Variants in LRP1B observed in about 807,000 individuals in gnomAD.
LRP1B encodes LDL receptor related protein 1B.
A neutral mutation model predicts 556.6 loss-of-function variants in LRP1B; 217 were observed. The ratio of observed to expected loss-of-function variants is 0.39; its 90% CI spans 0.35 to 0.44. The LOEUF is 0.44. LRP1B is among the 20% of genes least tolerant of loss of function. The pLI, the probability that LRP1B is intolerant of heterozygous loss-of-function variation, is 1.00. For synonymous variants in LRP1B, 2,047 were observed against 1,865.8 expected, an observed-to-expected ratio of 1.10 and a Z score of -2.50; for missense variants, 5,053 against 5,620.8, an observed-to-expected ratio of 0.90 and a Z score of 3.23.
intron 87 of LRP1B, among the ~76,000 whole-genome samples, chr2:140,240,210 CT>C (rs1186665883): frequency 2.7e-5 from 3 of 112,994 alleles, no homozygotes; most frequent in East Asian, 8.3e-4. Flanking sequence ...TTCTCATGTT[CT>C]AGTTTCTGAA....
At chr2:141,905,578 G>A (rs1021573209) in intron 1 of LRP1B, among the ~76,000 whole-genome samples, 2 of 151,764 alleles carry the variant, frequency 1.3e-5, no homozygotes. Context: ...ACTTAAGCAT[G>A]ATTGGAAGTG....
intron 2 of LRP1B, among the ~76,000 whole-genome samples, chr2:141,798,567 C>CT (rs1695898098): frequency 6.6e-6 from 1 of 151,452 alleles, no homozygotes. Context: ...ATTAGCTGGG[C>CT]GTGGTGGTGG....
At chr2:140,869,289 G>A (rs1224430954) in intron 25 of LRP1B, among the ~76,000 whole-genome samples, 2 of 152,096 alleles carry the variant, frequency 1.3e-5, no homozygotes, top group Non-Finnish European at 2.9e-5. Context: ...TTTTGGTCAT[G>A]GGACAAGAGC....
At chr2:142,095,951 T>G (rs771956675) in intron 1 of LRP1B, among the ~76,000 whole-genome samples, 1 of 151,740 alleles carries the variant, frequency 6.6e-6, no homozygotes, top group Non-Finnish European at 1.5e-5. Flanking sequence ...ATTCAATTCC[T>G]GGTGAATAGT....
At chr2:141,403,814 T>C (rs1690531228) in intron 3 of LRP1B, among the ~76,000 whole-genome samples, 1 of 152,152 alleles carries the variant, frequency 6.6e-6, no homozygotes, top group Non-Finnish European at 1.5e-5. Context: ...TGTGGCTTTG[T>C]ATTATCTCAC....
intron 15 of LRP1B, among the ~76,000 whole-genome samples, chr2:140,997,114 A>G (rs12623323): frequency 0.11 from 16,375 of 151,984 alleles, 972 homozygotes; most frequent in East Asian, 0.2. Context: ...AAAAATTGAC[A>G]AAGTAATAAA....
chr2:141,806,243 C>T (rs528473689), intron 2 of LRP1B, among the ~76,000 whole-genome samples: 2 of 152,106 alleles, frequency 1.3e-5, no homozygotes, highest in East Asian at 3.9e-4. Context: ...TGGTACCAAG[C>T]TTTCATTCTC....
In LRP1B at chr2:141,283,982, C is replaced by T. The variant is rs117538446; in HGVS notation, c.344-29341G>A. Among the ~76,000 whole-genome samples, 48 of 152,200 alleles carry T rather than the reference C, an allele frequency of 3.2e-4. No individual in the cohort carries two copies. In the East Asian group the frequency reaches 7.9e-3, roughly 25 times the overall value. On this transcript the variant is annotated intron_variant, in intron 3 of 90. Coordinates refer to ENST00000389484, the MANE Select transcript of LRP1B (RefSeq NM_018557.3). ...TCTTGGAAGAGTAGATGAGGTCACA[C>T]GCTGAGAATTAAGCAGGAGGTGGCA...
At chr2:140,947,751 T>A (rs1224503264) in intron 20 of LRP1B, among the ~76,000 whole-genome samples, 1 of 152,222 alleles carries the variant, frequency 6.6e-6, no homozygotes, top group East Asian at 1.9e-4. Flanking sequence ...CACCTTGTAT[T>A]CACCACGTAG....
intron 63 of LRP1B, among the ~76,000 whole-genome samples, chr2:140,445,120 CTT>C (rs903065917): frequency 6.6e-6 from 1 of 151,590 alleles, no homozygotes. Context: ...CTCTCTCTCT[CTT>C]TTTTTTCTTT....
chr2:140,647,057 A>C (rs1456026239), intron 41 of LRP1B, among the ~76,000 whole-genome samples: 1 of 152,184 alleles, frequency 6.6e-6, no homozygotes, highest in East Asian at 1.9e-4. Flanking sequence ...TAATGGGAAG[A>C]TGTTTCACAA....
In LRP1B at chr2:140,898,339, C is replaced by T. The variant is rs138731043; in HGVS notation, c.3766+4581G>A. The T allele has an allele frequency of 1.4e-3, 221 of 154,666 alleles. 2 individuals are homozygous for T. The highest frequency in any genetic ancestry group is 1.5e-3 in the Admixed American group (23 of 15,450). The allele number at this position is 154,666 out of a possible 1,614,324, so 9.6% of individuals were successfully genotyped here. On this transcript the variant is annotated intron_variant, in intron 23 of 90. Transcript: ENST00000389484. ...CCAGGACTAAGTCTGGGGAACACAA[C>T]CTAGTTAGTGTGGGTCCTGGGGCTT...
At chr2:140,261,481 T>C (rs997548286) in intron 86 of LRP1B, among the ~76,000 whole-genome samples, 2 of 151,904 alleles carry the variant, frequency 1.3e-5, no homozygotes, top group Non-Finnish European at 2.9e-5. Context: ...AAGGCATTTA[T>C]GTAAATTTAC....
chr2:141,488,870 AAAAC>A (rs2105107065), intron 2 of LRP1B, among the ~76,000 whole-genome samples: 1 of 152,324 alleles, frequency 6.6e-6, no homozygotes, highest in East Asian at 1.9e-4. Context: ...GAATTATTTA[AAAAC>A]AAATGTTTAG....
chr2:140,780,000 T>C (rs192052657), intron 32 of LRP1B, among the ~76,000 whole-genome samples: 1 of 148,852 alleles, frequency 6.7e-6, no homozygotes, highest in East Asian at 2.0e-4. Flanking sequence ...TATTGGATCA[T>C]GAGAATAGAA....
At chr2:141,508,154 T>C (rs1684000509) in intron 2 of LRP1B, among the ~76,000 whole-genome samples, 1 of 151,938 alleles carries the variant, frequency 6.6e-6, no homozygotes, top group Non-Finnish European at 1.5e-5. Flanking sequence ...GAATGTATGA[T>C]GTCTAAATGA....
chr2:141,462,655 A>T lies in LRP1B; in HGVS notation c.343+17741T>A, dbSNP rs1335444936. Among the ~76,000 whole-genome samples, 3 of 151,894 alleles carry T rather than the reference A, an allele frequency of 2.0e-5. No individual in the cohort carries two copies. The East Asian group carries it at 5.8e-4, about 29-fold the overall frequency. On this transcript the variant is annotated intron_variant, in intron 3 of 90. Coordinates refer to ENST00000389484, the MANE Select transcript of LRP1B (RefSeq NM_018557.3). The stretch of plus-strand genomic sequence containing the variant: ...TGCACATGTATCTCAGAACTCAAAA[A>T]AATAAAAAAATTAATAAATAACAGG...
intron 41 of LRP1B, among the ~76,000 whole-genome samples, chr2:140,603,759 TTAA>T (rs371271106): frequency 6.6e-6 from 1 of 152,288 alleles, no homozygotes; most frequent in East Asian, 1.9e-4. Flanking sequence ...GAAATTACAG[TTAA>T]TAATGATCTG....
chr2:141,899,280 A>T (rs1699547989), intron 1 of LRP1B, among the ~76,000 whole-genome samples: 1 of 152,116 alleles, frequency 6.6e-6, no homozygotes, highest in African/African-American at 2.4e-5. Context: ...TTAGTTCCCA[A>T]AGTCTGTCTT....
Sources: allele counts gnomAD v4.1 joint callset (sites outside exome capture counted in the v4.1 genomes callset), GRCh38; gene constraint gnomAD v4.1.1; transcripts MANE v1.5; gene names NCBI Gene and HGNC (gene_info 2026-07-23, HGNC 2026-07-21).